The following IGDCC4 variants were observed in gnomAD, a reference collection of about 807,000 sequenced individuals.
The protein encoded by IGDCC4 is immunoglobulin superfamily DCC subclass member 4, also known as likely ortholog of mouse neighbor of Punc E11.
IGDCC4 carries 72 observed loss-of-function variants against 116.6 expected under a neutral mutation model. The observed-to-expected ratio is 0.62, with a 90% CI of 0.51 to 0.75. The LOEUF (loss-of-function observed/expected upper bound fraction) is 0.75, where lower values mean the gene tolerates loss of function less well. Ranked by LOEUF, IGDCC4 falls within the 30% of genes least tolerant of loss-of-function variation. The pLI is 0.00. For synonymous variants in IGDCC4, 709 were observed against 719.9 expected, an observed-to-expected ratio of 0.98 and a Z score of 0.24; for missense variants, 1,501 against 1,662.4, an observed-to-expected ratio of 0.90 and a Z score of 1.69.
At chr15:65,396,621 C>G (rs920114188) in intron 6 of IGDCC4, among the ~76,000 whole-genome samples, 1 of 152,094 alleles carries the variant, frequency 6.6e-6, no homozygotes, top group African/African-American at 2.4e-5. Flanking sequence ...TCACCCCTCT[C>G]GCTCCATCCC....
chr15:65,395,730 C>A lies in IGDCC4; in HGVS notation c.1411+20G>T. 7.0e-6 allele frequency: 10 copies of A among 1,428,192 alleles called. No individual in the cohort carries two copies. The highest frequency in any genetic ancestry group is 8.3e-6 in the Non-Finnish European group (9 of 1,085,990). The allele number at this position is 1,428,192 out of a possible 1,614,324, so 88.5% of individuals were successfully genotyped here. A position where few individuals can be genotyped will look rare whatever the true frequency, so the allele number is the denominator to read the frequency against. On this transcript the variant is annotated intron_variant, in intron 7 of 19. Transcript: ENST00000352385. Reference sequence around the variant, plus strand: ...CCCGCCCGGGCCTGCGCTGGTGCATCCCGCCCCAGGCCGACGTACCCCGTG... The same window carrying A: ...CCCGCCCGGGCCTGCGCTGGTGCATACCGCCCCAGGCCGACGTACCCCGTG...
At chr15:65,386,358 G>A (rs771642709) in intron 17 of IGDCC4, among the ~76,000 whole-genome samples, 193 bp downstream of exon 17, 2 of 152,148 alleles carry the variant, frequency 1.3e-5, no homozygotes, top group Non-Finnish European at 2.9e-5. Flanking sequence ...AGGAGGGTAG[G>A]CTGGGGCTCC....
intron 14 of IGDCC4, 77 bp downstream of exon 14, chr15:65,389,207 A>T (rs1190863820): frequency 3.8e-6 from 6 of 1,574,144 alleles, no homozygotes; most frequent in Non-Finnish European, 5.2e-6. Context: ...GGGGTTCTGA[A>T]GTATGTTTCT....
intron 16 of IGDCC4, among the ~76,000 whole-genome samples, chr15:65,387,506 G>A (rs984875798): frequency 6.6e-5 from 10 of 151,958 alleles, no homozygotes; most frequent in Non-Finnish European, 1.5e-4. Flanking sequence ...CCACCACCAC[G>A]CCCAGCTAAT....
At chr15:65,396,626 C>T (rs1185017431) in intron 6 of IGDCC4, among the ~76,000 whole-genome samples, 1 of 152,126 alleles carries the variant, frequency 6.6e-6, no homozygotes, top group Non-Finnish European at 1.5e-5. Context: ...CCTCTCGCTC[C>T]ATCCCAGACT....
Position 65,402,422 on chromosome 15 carries a change from T to C in IGDCC4, c.629A>G (p.Tyr210Cys). The C allele has an allele frequency of 2.6e-6, 4 of 1,567,974 alleles. No homozygotes were observed. The highest frequency in any genetic ancestry group is 3.5e-6 in the Non-Finnish European group (4 of 1,155,672). ...AGCTGAGTTGGTGGCCACGCAGCGG[T>C]AGGGGCCTGCATCACTCTCCTGAAC... The part of the protein sequence containing the change: ...LDVQESDAGP[Y>C]RCVATNSARQ... The change falls in exon 4 of 20, where the codon TAC (tyrosine) becomes TGC (cysteine). Residue 210 changes from tyrosine (Y) to cysteine (C), a missense_variant. This residue lies in a region of IGDCC4 where 898 missense variants were observed against 978.9 expected (regional missense o/e 0.92). Transcript: ENST00000352385.
At chr15:65,394,285 T>A (rs2062896584) in intron 9 of IGDCC4, 126 bp downstream of exon 9, 3 of 1,464,188 alleles carry the variant, frequency 2.0e-6, no homozygotes, top group Non-Finnish European at 9.3e-7. Flanking sequence ...AGGTTCACCC[T>A]TCCCCAACCC....
chr15:65,388,332 G>T (rs1339198267), intron 16 of IGDCC4, 117 bp downstream of exon 16: 1 of 1,378,370 alleles, frequency 7.3e-7, no homozygotes, highest in East Asian at 2.3e-5. Context: ...CTTCACATTT[G>T]CTCTGCCCCC....
At position 65,384,873 on chromosome 15, in the gene IGDCC4, C is replaced by T. The variant is rs2091437638; in HGVS notation, c.3342+81G>A. On this transcript the variant is annotated intron_variant, in intron 19 of 19. Coordinates refer to ENST00000352385, the MANE Select transcript of IGDCC4 (RefSeq NM_020962.3). This position sits in a 1 kb window ranked among gnomAD's most constrained non-coding sequence, Gnocchi z 4.9. Reference sequence around the variant, plus strand: ...CCCAGGAAAGTTACCACCCAGGGGTCTCCAGAGAACTCATTACTTCCTCTT... The same window carrying T: ...CCCAGGAAAGTTACCACCCAGGGGTTTCCAGAGAACTCATTACTTCCTCTT... 1 of 1,509,588 alleles carries T rather than the reference C, an allele frequency of 6.6e-7. No individual in the cohort carries two copies. The highest frequency in any genetic ancestry group is 8.9e-7 in the Non-Finnish European group (1 of 1,125,408). 93.5% of individuals were successfully genotyped at this position (1,509,588 alleles called of 1,614,324 possible). A position where few individuals can be genotyped will look rare whatever the true frequency, so the allele number is the denominator to read the frequency against.
intron 1 of IGDCC4, among the ~76,000 whole-genome samples, chr15:65,415,437 G>C (rs1325252347): frequency 6.6e-6 from 1 of 152,206 alleles, no homozygotes; most frequent in Admixed American, 6.5e-5. Flanking sequence ...GAATATTCAT[G>C]GATCAGCAGA....
At chr15:65,421,142 G>A (rs1429337289) in intron 1 of IGDCC4, among the ~76,000 whole-genome samples, 1 of 152,162 alleles carries the variant, frequency 6.6e-6, no homozygotes, top group Non-Finnish European at 1.5e-5. Context: ...AAGAGACGCC[G>A]CAACTCGGTC....
intron 1 of IGDCC4, among the ~76,000 whole-genome samples, chr15:65,414,562 G>A (rs751220329): frequency 1.4e-4 from 22 of 152,206 alleles, no homozygotes; most frequent in Non-Finnish European, 2.6e-4. Flanking sequence ...ACCACTAAGC[G>A]TGAAGGAATT....
intron 1 of IGDCC4, among the ~76,000 whole-genome samples, chr15:65,421,810 A>C (rs1238993639): frequency 6.7e-6 from 1 of 150,312 alleles, no homozygotes; most frequent in Non-Finnish European, 1.5e-5. Context: ...TACACTCCCC[A>C]TGAGCCGCCC....
chr15:65,413,023 A>AGTGTGTGT (rs1567093911), intron 1 of IGDCC4, among the ~76,000 whole-genome samples: 1 of 105,404 alleles, frequency 9.5e-6, no homozygotes, highest in East Asian at 3.4e-4. Context: ...AGTGTGAGAA[A>AGTGTGTGT]ATGTGTGTGT....
intron 6 of IGDCC4, chr15:65,396,569 C>G (rs540011108): frequency 1.7e-4 from 98 of 584,812 alleles, no homozygotes; most frequent in Admixed American, 1.1e-3. Context: ...CCACAATAAC[C>G]CCAGTCACAA....
Position 65,384,232 on chromosome 15 carries a change from G to A in IGDCC4, c.3530C>T (p.Ala1177Val). 13 of 1,598,768 alleles carry A rather than the reference G, an allele frequency of 8.1e-6. No homozygotes were observed. The highest frequency in any genetic ancestry group is 1.1e-5 in the Non-Finnish European group (13 of 1,169,178). ...ISGVGDPGQG[A>V]AWLDRELGGC... ...TCCCAACTCCCTGTCCAGCCAGGCT[G>A]CCCCCTGCCCTGGATCCCCAACACC... The change falls in exon 20 of 20, where the codon GCA becomes GTA. Residue 1177 changes from alanine (A) to valine (V), a missense_variant. By Grantham distance (64) the Ala-to-Val change is moderately conservative (BLOSUM62 0). Coordinates refer to ENST00000352385, the MANE Select transcript of IGDCC4 (RefSeq NM_020962.3). The surrounding 1 kb of genome is among the most constrained non-coding windows in gnomAD (Gnocchi z 4.9).
At chr15:65,395,391 G>A in intron 7 of IGDCC4, 133 bp from the exon 8 acceptor site, 3 of 939,664 alleles carry the variant, frequency 3.2e-6, no homozygotes, top group Non-Finnish European at 4.6e-6. Flanking sequence ...ATCTGAGCTG[G>A]AGTGTATAAA....
chr15:65,396,114 C>A lies in IGDCC4; in HGVS notation c.1047G>T (p.Ala349=). 4.1e-6 allele frequency: 6 copies of A among 1,452,770 alleles called. No homozygotes were observed. The highest frequency in any genetic ancestry group is 1.4e-5 in the South Asian group (1 of 72,298). The allele number at this position is 1,452,770 out of a possible 1,614,324, so 90.0% of individuals were successfully genotyped here. A position where few individuals can be genotyped will look rare whatever the true frequency, so the allele number is the denominator to read the frequency against. Residue 349 remains alanine (A), a synonymous_variant, in exon 7 of 20, where the codon GCG becomes GCT. Transcript: ENST00000352385. The part of the protein sequence containing the change: ...QAPEALSRTR[A]STARFVCRAS... ...CGCGGCACACGAAGCGCGCTGTGCT[C>A]GCCCGCGTCCGCGACAGCGCCTCGG...
At chr15:65,386,186 T>C (rs2091456833) in intron 17 of IGDCC4, 127 bp from the exon 18 acceptor site, 1 of 651,170 alleles carries the variant, frequency 1.5e-6, no homozygotes, top group Non-Finnish European at 2.7e-6. Flanking sequence ...TCCTGGTCTG[T>C]GCAATGAGTA....
Sources: allele counts gnomAD v4.1 joint callset (sites outside exome capture counted in the v4.1 genomes callset), GRCh38; gene constraint gnomAD v4.1.1; regional missense constraint gnomAD v4.1.1; non-coding constraint Gnocchi (gnomAD v3.1); transcripts MANE v1.5; gene names NCBI Gene and HGNC (gene_info 2026-07-23, HGNC 2026-07-21).